ZFYVE9: variants seen among roughly 807,000 people sequenced by gnomAD.
The protein encoded by ZFYVE9 is zinc finger FYVE domain-containing protein 9.
A neutral mutation model predicts 126.7 loss-of-function variants in ZFYVE9; 43 were observed. The observed-to-expected ratio is 0.34, with a 90% CI of 0.27 to 0.44. ZFYVE9 has a LOEUF of 0.44. Among genes scored for constraint, ZFYVE9 ranks in the 20% least tolerant of loss-of-function variants. ZFYVE9 has a pLI of 1.00. For synonymous variants in ZFYVE9, 521 were observed against 597.4 expected (o/e 0.87, Z 1.87); for missense variants, 1,476 against 1,697.0 (o/e 0.87, Z 2.29).
Position 52,340,132 on chromosome 1 carries a change from A to C in ZFYVE9, c.3840A>C (p.Val1280=). The change falls in exon 17 of 19, where the codon GTA becomes GTC. Residue 1280 remains valine (V), a synonymous_variant. Coordinates refer to ENST00000287727, the MANE Select transcript of ZFYVE9 (RefSeq NM_004799.4). ...TCCTTTGCCTCTATTTTAGTGTCGT[A>C]AGTCCTATAGATGGGAAGTCCATGG... ...DDDKNVSKGV[V]SPIDGKSMET... is the part of the protein sequence containing the mutation. The C allele has an allele frequency of 6.2e-7, 1 of 1,612,532 alleles. No individual in the cohort carries two copies.
At position 52,274,694 on chromosome 1, in the gene ZFYVE9, AAAAC is replaced by A. The variant is rs1041324460; in HGVS notation, c.2746+115_2746+118del. On this transcript the variant is annotated intron_variant, in intron 8 of 18. Transcript: ENST00000287727. ...GACATTCACCTTTCTCTTATCCAAC[AAAAC>A]AAACTCCCCCAAAACTATGAAAATG... The A allele has an allele frequency of 6.3e-5, 76 of 1,204,346 alleles. No homozygotes were observed. The African/African-American group carries it at 8.2e-4, about 13-fold the overall frequency. 74.6% of individuals were successfully genotyped at this position (1,204,346 alleles called of 1,614,324 possible). A position where few individuals can be genotyped will look rare whatever the true frequency, so the allele number is the denominator to read the frequency against.
intron 1 of ZFYVE9, among the ~76,000 whole-genome samples, chr1:52,189,297 C>T (rs987063622): frequency 2.0e-5 from 3 of 150,960 alleles, no homozygotes; most frequent in East Asian, 2.0e-4. Flanking sequence ...AGTGCAGTGG[C>T]ACGATCCAGG....
intron 1 of ZFYVE9, among the ~76,000 whole-genome samples, chr1:52,184,198 TATATATATATATTTATATATATAG>T: frequency 7.0e-6 from 1 of 143,818 alleles, no homozygotes; most frequent in East Asian, 2.0e-4. Context: ...CAAGTGTCAT[TATATATATATATTTATATATATAG>T]ATATATATAT....
At chr1:52,201,868 C>T (rs1175064429) in intron 1 of ZFYVE9, among the ~76,000 whole-genome samples, 1 of 151,946 alleles carries the variant, frequency 6.6e-6, no homozygotes, top group Non-Finnish European at 1.5e-5. Flanking sequence ...ACTGCAACCT[C>T]CGCCTCCCAG....
At chr1:52,208,764 C>T (rs1305732805) in intron 1 of ZFYVE9, among the ~76,000 whole-genome samples, 1 of 152,108 alleles carries the variant, frequency 6.6e-6, no homozygotes, top group Non-Finnish European at 1.5e-5. Flanking sequence ...AACTCCTGAC[C>T]TCAGGTGATC....
At chr1:52,277,787 C>A (rs1271251963) in intron 8 of ZFYVE9, among the ~76,000 whole-genome samples, 1 of 152,120 alleles carries the variant, frequency 6.6e-6, no homozygotes, top group Non-Finnish European at 1.5e-5. Context: ...CACTGTCATT[C>A]AAAATGAGAT....
rs7548021 is a variant in ZFYVE9, at chr1:52,306,375, C to T, written c.3438+2450C>T. ...TGCTCACTCCAGGGCCGCCTCTCTG[C>T]TGAGAGCTGAATACTCGATTTGACA... On this transcript the variant is annotated intron_variant, in intron 13 of 18. Coordinates refer to ENST00000287727, the MANE Select transcript of ZFYVE9 (RefSeq NM_004799.4). 9.2e-3 allele frequency among the ~76,000 whole-genome samples: 1,408 copies of T among 152,246 alleles called. 20 individuals are homozygous for T. Among genetic ancestry groups the T allele is most frequent in the African/African-American group, 0.032 (1,339 of 41,548 alleles).
intron 12 of ZFYVE9, among the ~76,000 whole-genome samples, chr1:52,299,853 C>G (rs528434196): frequency 7.4e-4 from 113 of 152,344 alleles, no homozygotes; most frequent in Non-Finnish European, 1.3e-3. Context: ...CATGCTATGA[C>G]TGGGAATGAG....
intron 8 of ZFYVE9, among the ~76,000 whole-genome samples, chr1:52,276,815 T>C (rs1407609707): frequency 6.6e-6 from 1 of 152,242 alleles, no homozygotes. Context: ...ATTAACACTT[T>C]TTCTCATTGC....
chr1:52,315,373 A>C (rs1287381703), intron 13 of ZFYVE9, among the ~76,000 whole-genome samples: 1 of 152,202 alleles, frequency 6.6e-6, no homozygotes, highest in Non-Finnish European at 1.5e-5. Context: ...GGTTGCAGTG[A>C]ACTATGATCA....
At chr1:52,242,276 C>G (rs1488380911) in intron 4 of ZFYVE9, among the ~76,000 whole-genome samples, 1 of 152,198 alleles carries the variant, frequency 6.6e-6, no homozygotes, top group Non-Finnish European at 1.5e-5. Flanking sequence ...AAGTGATCCA[C>G]TTGCCTTGGC....
In ZFYVE9 at chr1:52,288,882, CG is replaced by C. The variant is rs1557502249; in HGVS notation, c.3026-4570del. 8.9e-5 allele frequency among the ~76,000 whole-genome samples: 13 copies of C among 145,348 alleles called. No homozygotes were observed. In the South Asian group the frequency reaches 2.6e-3, roughly 29 times the overall value. The stretch of plus-strand genomic sequence containing the variant: ...CGGAGGTTTCAGTGAGCTGGGATCA[CG>C]CCACTGTACTCCAGCCTGGGTGACA... On this transcript the variant is annotated intron_variant, in intron 10 of 18. Coordinates refer to ENST00000287727, the MANE Select transcript of ZFYVE9 (RefSeq NM_004799.4).
At chr1:52,180,130 G>A in intron 1 of ZFYVE9, 2 of 1,056,638 alleles carry the variant, frequency 1.9e-6, no homozygotes, top group East Asian at 2.4e-5. Flanking sequence ...GAGATCTCAG[G>A]GAAGGATTAT....
At chr1:52,153,703 A>C (rs887914968) in intron 1 of ZFYVE9, among the ~76,000 whole-genome samples, 10 of 152,212 alleles carry the variant, frequency 6.6e-5, no homozygotes, top group Non-Finnish European at 1.0e-4. Flanking sequence ...TTCAGGCTGC[A>C]GCTGTAAATT....
rs991780823 is a variant in ZFYVE9 at position 52,295,928 on chromosome 1, G to A, written c.3284G>A (p.Arg1095Gln). Residue 1095 changes from arginine to glutamine, a missense_variant, in exon 12 of 19, where the codon CGG (arginine) becomes CAG (glutamine). Arg to Gln is a conservative substitution (Grantham distance 43). Transcript: ENST00000287727. ...TGCCCACTATTCAGTGTCAGATTTCGGAAGCCATTGTTTGGAGAGACGGGG... is the reference window on the plus strand; with the variant it reads ...TGCCCACTATTCAGTGTCAGATTTCAGAAGCCATTGTTTGGAGAGACGGGG... ...YPCPLFSVRFRKPLFGETGHT... is the reference protein window; with the variant it reads ...YPCPLFSVRFQKPLFGETGHT... 4 of 1,613,506 alleles carry A rather than the reference G, an allele frequency of 2.5e-6. No homozygotes were observed. The highest frequency in any genetic ancestry group is 1.1e-5 in the South Asian group (1 of 91,010).
At chr1:52,199,617 A>G (rs547334544) in intron 1 of ZFYVE9, among the ~76,000 whole-genome samples, 12 of 152,374 alleles carry the variant, frequency 7.9e-5, no homozygotes, top group Admixed American at 3.9e-4. Context: ...AAGTTTGGCA[A>G]TTATGAATAA....
At chr1:52,148,076 C>G (rs1644320859) in intron 1 of ZFYVE9, among the ~76,000 whole-genome samples, 1 of 151,914 alleles carries the variant, frequency 6.6e-6, no homozygotes, top group South Asian at 2.1e-4. Flanking sequence ...CACCATGCTC[C>G]TGGTTAATAA....
Position 52,318,366 on chromosome 1 carries a change from T to TTGTGTGTG in ZFYVE9, c.3439-14399_3439-14398insGTGTGTGT, listed in dbSNP as rs1304231453. Among the ~76,000 whole-genome samples, 58 of 84,004 alleles carry TTGTGTGTG rather than the reference T, an allele frequency of 6.9e-4. 2 individuals carry two copies. The highest frequency in any genetic ancestry group is 2.0e-3 in the African/African-American group (47 of 23,812). 55.1% of individuals were successfully genotyped at this position (84,004 alleles called of 152,430 possible). ...CCATTCAAGATTAGAGAGAGCATGA[T>TTGTGTGTG]TGTATGTGTGTGTGTGTGTGTGTGT... On this transcript the variant is annotated intron_variant, in intron 13 of 18. Transcript: ENST00000287727.
intron 17 of ZFYVE9, among the ~76,000 whole-genome samples, chr1:52,340,712 T>C: frequency 6.6e-6 from 1 of 151,278 alleles, no homozygotes. Context: ...CCAGCCTGGG[T>C]AACATGGTGA....
Sources: allele counts gnomAD v4.1 joint callset (sites outside exome capture counted in the v4.1 genomes callset), GRCh38; gene constraint gnomAD v4.1.1; transcripts MANE v1.5; gene names NCBI Gene and HGNC (gene_info 2026-07-23, HGNC 2026-07-21).